The following ZNF804B variants were observed in gnomAD, a reference collection of about 807,000 sequenced individuals.
The protein encoded by ZNF804B is zinc finger protein 804B.
In ZNF804B, 80 loss-of-function variants were observed where a neutral mutation model predicts 101.4. The ratio of observed to expected loss-of-function variants is 0.79; its 90% CI spans 0.66 to 0.95. The LOEUF is 0.95. ZNF804B is among the 40% of genes least tolerant of loss of function. The pLI is 0.00. For missense variants in ZNF804B, 1,673 were observed against 1,561.9 expected (o/e 1.07, Z -1.20); for synonymous variants, 622 against 558.8 (o/e 1.11, Z -1.59).
chr7:88,804,944 G>T (rs541320783), intron 1 of ZNF804B, among the ~76,000 whole-genome samples: 1 of 152,054 alleles, frequency 6.6e-6, no homozygotes. Context: ...TAAAGTTGCC[G>T]AAAAATGTGT....
chr7:89,277,289 C>A (rs1789997017), intron 2 of ZNF804B, among the ~76,000 whole-genome samples: 1 of 150,012 alleles, frequency 6.7e-6, no homozygotes, highest in Non-Finnish European at 1.5e-5. Context: ...CTAAGATCTA[C>A]CATCAAAAAC....
rs192556584 is a variant in ZNF804B at position 88,768,625 on chromosome 7, G to A, written c.108+8541G>A. 1.1e-4 allele frequency among the ~76,000 whole-genome samples: 17 copies of A among 152,278 alleles called. No homozygotes were observed. In the East Asian group the frequency reaches 1.5e-3, roughly 14 times the overall value. On this transcript the variant is annotated intron_variant, in intron 1 of 3. Coordinates refer to ENST00000333190, the MANE Select transcript of ZNF804B (RefSeq NM_181646.5). Reference sequence around the variant, plus strand: ...TCCAGCTACTCAGGAGGCTGAGGCCGGAGAATCGCTTGAAACTGGGAGGCA... The same window carrying A: ...TCCAGCTACTCAGGAGGCTGAGGCCAGAGAATCGCTTGAAACTGGGAGGCA...
At chr7:89,111,608 G>T (rs1790219806) in intron 1 of ZNF804B, among the ~76,000 whole-genome samples, 2 of 152,164 alleles carry the variant, frequency 1.3e-5, no homozygotes, top group African/African-American at 4.8e-5. Context: ...GTATGGCTTA[G>T]ATAAAAGTCT....
intron 3 of ZNF804B, 147 bp from the exon 4 acceptor site, chr7:89,333,216 A>G (rs1035778864): frequency 1.3e-6 from 1 of 787,656 alleles, no homozygotes; most frequent in Non-Finnish European, 1.9e-6. Flanking sequence ...ATGCTAAGCT[A>G]TATAAGGACA....
At chr7:88,911,475 A>C (rs952460048) in intron 1 of ZNF804B, among the ~76,000 whole-genome samples, 14 of 148,510 alleles carry the variant, frequency 9.4e-5, no homozygotes. Flanking sequence ...TATTATTCTT[A>C]TGTATTTATA....
At chr7:89,161,438 A>G (rs1791060435) in intron 1 of ZNF804B, among the ~76,000 whole-genome samples, 1 of 143,844 alleles carries the variant, frequency 7.0e-6, no homozygotes, top group Non-Finnish European at 1.6e-5. Flanking sequence ...ATAATGGCTT[A>G]TGTAATATAA....
chr7:89,246,223 A>G (rs1789443524), intron 2 of ZNF804B, among the ~76,000 whole-genome samples: 2 of 152,174 alleles, frequency 1.3e-5, no homozygotes, highest in Non-Finnish European at 2.9e-5. Context: ...CCACTGTGGG[A>G]CAAGAGGAGA....
At chr7:88,789,934 G>T (rs935060470) in intron 1 of ZNF804B, among the ~76,000 whole-genome samples, 4 of 152,072 alleles carry the variant, frequency 2.6e-5, no homozygotes, top group Admixed American at 2.6e-4. Flanking sequence ...TAGAATGTTA[G>T]AATTCACCCT....
In ZNF804B at chr7:88,914,697, T is replaced by TA. The variant is rs550876864; in HGVS notation, c.108+154621dup. Among the ~76,000 whole-genome samples the TA allele has an allele frequency of 4.9e-3, 748 of 151,792 alleles. 6 individuals are homozygous for TA. The highest frequency in any genetic ancestry group is 0.017 in the African/African-American group (701 of 41,470). On this transcript the variant is annotated intron_variant, in intron 1 of 3. Coordinates refer to ENST00000333190, the MANE Select transcript of ZNF804B (RefSeq NM_181646.5). ...TATCAAAACTCCTGACAATAATTGA[T>TA]AAAAAAAATGGAAACAGTACATTTT...
intron 1 of ZNF804B, among the ~76,000 whole-genome samples, chr7:89,132,267 A>G (rs1001684732): frequency 2.0e-5 from 3 of 151,990 alleles, no homozygotes; most frequent in African/African-American, 7.2e-5. Flanking sequence ...TGTTCAGAAA[A>G]AAATAAATCA....
intron 1 of ZNF804B, among the ~76,000 whole-genome samples, chr7:89,084,905 A>G (rs1057285076): frequency 6.6e-6 from 1 of 151,972 alleles, no homozygotes; most frequent in Non-Finnish European, 1.5e-5. Context: ...ATAAGTAAAA[A>G]TACTATGGTG....
chr7:89,138,097 G>C (rs1346471806), intron 1 of ZNF804B, among the ~76,000 whole-genome samples: 1 of 152,136 alleles, frequency 6.6e-6, no homozygotes, highest in Non-Finnish European at 1.5e-5. Context: ...TTAGATTTCA[G>C]AGGATGTATG....
chr7:88,948,691 G>A (rs1040243725), intron 1 of ZNF804B, among the ~76,000 whole-genome samples: 1 of 151,870 alleles, frequency 6.6e-6, no homozygotes, highest in Admixed American at 6.6e-5. Context: ...ATGTGTAATG[G>A]ATGGAAGAAG....
chr7:88,789,707 A>G (rs1228845303), intron 1 of ZNF804B, among the ~76,000 whole-genome samples: 1 of 152,148 alleles, frequency 6.6e-6, no homozygotes, highest in Non-Finnish European at 1.5e-5. Flanking sequence ...ATGATTTGAA[A>G]GTACTTGGCT....
At chr7:89,182,335 T>C (rs1788310125) in intron 1 of ZNF804B, among the ~76,000 whole-genome samples, 1 of 152,180 alleles carries the variant, frequency 6.6e-6, no homozygotes, top group African/African-American at 2.4e-5. Flanking sequence ...ATACAGCATA[T>C]TTTCCTGTTC....
chr7:88,763,253 A>G (rs1789925456), intron 1 of ZNF804B, among the ~76,000 whole-genome samples: 1 of 152,160 alleles, frequency 6.6e-6, no homozygotes, highest in Admixed American at 6.5e-5. Context: ...CAAAGGATTT[A>G]ATTTAGAAAA....
At chr7:89,115,316 T>A (rs1206947542) in intron 1 of ZNF804B, among the ~76,000 whole-genome samples, 1 of 152,232 alleles carries the variant, frequency 6.6e-6, no homozygotes, top group Non-Finnish European at 1.5e-5. Flanking sequence ...AGAGCTTTAC[T>A]CTTAACAGGA....
intron 1 of ZNF804B, among the ~76,000 whole-genome samples, chr7:89,042,830 T>A (rs1289377749): frequency 6.6e-6 from 1 of 152,158 alleles, no homozygotes; most frequent in East Asian, 1.9e-4. Context: ...GTTCAAAACA[T>A]TTTTTTCATA....
At chr7:88,870,675 A>G (rs1245451963) in intron 1 of ZNF804B, among the ~76,000 whole-genome samples, 2 of 152,132 alleles carry the variant, frequency 1.3e-5, no homozygotes, top group African/African-American at 4.8e-5. Context: ...ATAGTACAGA[A>G]AAAGGTGAGA....
Sources: allele counts gnomAD v4.1 joint callset (sites outside exome capture counted in the v4.1 genomes callset), GRCh38; gene constraint gnomAD v4.1.1; transcripts MANE v1.5; gene names NCBI Gene and HGNC (gene_info 2026-07-23, HGNC 2026-07-21).